Variants in TTC28 observed in about 807,000 individuals in gnomAD.
TTC28 encodes the protein tetratricopeptide repeat domain 28.
In TTC28, 61 loss-of-function variants were observed where a neutral mutation model predicts 198.0. The ratio of observed to expected loss-of-function variants is 0.31; its 90% CI spans 0.25 to 0.38. The LOEUF is 0.38. Ranked by LOEUF, TTC28 falls within the 10% of genes least tolerant of loss-of-function variation. The pLI is 1.00. For synonymous variants in TTC28, 1,171 were observed against 1,297.8 expected (o/e 0.90, Z 2.10); for missense variants, 2,678 against 3,164.0 (o/e 0.85, Z 3.69).
chr22:28,473,473 G>A (rs2048124370), intron 2 of TTC28, among the ~76,000 whole-genome samples: 1 of 152,124 alleles, frequency 6.6e-6, no homozygotes, highest in Non-Finnish European at 1.5e-5. Flanking sequence ...GCAATAACTG[G>A]AAGTTACCAC....
chr22:28,288,768 A>C lies in TTC28; in HGVS notation c.933+7430T>G, dbSNP rs539265838. On this transcript the variant is annotated intron_variant, in intron 5 of 22. Transcript: ENST00000397906. Reference sequence around the variant, plus strand: ...GCGGAGCTTGCAGTGAGCCGAGATCACGCTACTGCACTACAGCCTGGGCGA... The same window carrying C: ...GCGGAGCTTGCAGTGAGCCGAGATCCCGCTACTGCACTACAGCCTGGGCGA... 1.1e-4 allele frequency among the ~76,000 whole-genome samples: 17 copies of C among 150,712 alleles called. 1 individual carries two copies. The highest frequency in any genetic ancestry group is 3.9e-4 in the African/African-American group (16 of 41,172).
chr22:28,442,457 C>A (rs2047639936), intron 2 of TTC28, among the ~76,000 whole-genome samples: 1 of 152,206 alleles, frequency 6.6e-6, no homozygotes, highest in Non-Finnish European at 1.5e-5. Context: ...CGGCTCAGAG[C>A]CTTTTAACCC....
chr22:28,529,739 A>T (rs1236062827), intron 2 of TTC28, among the ~76,000 whole-genome samples: 1 of 152,170 alleles, frequency 6.6e-6, no homozygotes, highest in Non-Finnish European at 1.5e-5. Context: ...AACATTTGCC[A>T]TTCTGCAATA....
intron 5 of TTC28, among the ~76,000 whole-genome samples, chr22:28,202,812 T>TA (rs989276445): frequency 1.6e-4 from 24 of 152,118 alleles, no homozygotes; most frequent in Admixed American, 1.6e-3. Context: ...AGAGAAAGTA[T>TA]AAAAAATAAC....
intron 2 of TTC28, among the ~76,000 whole-genome samples, chr22:28,428,827 AG>A (rs2047391688): frequency 6.6e-6 from 1 of 151,604 alleles, no homozygotes; most frequent in African/African-American, 2.4e-5. Flanking sequence ...TCTTTAGTAG[AG>A]GCGGGGTTCC....
chr22:28,383,107 T>C (rs1352299863), intron 2 of TTC28, among the ~76,000 whole-genome samples: 2 of 152,228 alleles, frequency 1.3e-5, no homozygotes, highest in African/African-American at 2.4e-5. Flanking sequence ...TAAGAAGTAC[T>C]GTACACAAGA....
At chr22:28,255,856 T>C (rs1930872664) in intron 5 of TTC28, among the ~76,000 whole-genome samples, 1 of 152,156 alleles carries the variant, frequency 6.6e-6, no homozygotes, top group Admixed American at 6.5e-5. Context: ...AATATGCACC[T>C]TTGCTCTTCT....
At chr22:28,536,430 C>T (rs1249220465) in intron 2 of TTC28, among the ~76,000 whole-genome samples, 6 of 151,350 alleles carry the variant, frequency 4.0e-5, no homozygotes, top group African/African-American at 1.5e-4. Context: ...CGAGACCATC[C>T]TGGCTAACAC....
chr22:27,993,606 G>A, intron 17 of TTC28, 88 bp from the exon 18 acceptor site: 1 of 1,348,966 alleles, frequency 7.4e-7, no homozygotes, highest in Non-Finnish European at 9.9e-7. Context: ...GCCCCAGGGT[G>A]AAGCCAGGCT....
chr22:28,537,948 T>C (rs1284813994), intron 2 of TTC28, among the ~76,000 whole-genome samples: 4 of 151,640 alleles, frequency 2.6e-5, no homozygotes, highest in African/African-American at 4.8e-5. Flanking sequence ...CTGGGTAATA[T>C]AGCAAGACAC....
At chr22:28,323,720 G>T (rs1340379750) in intron 2 of TTC28, among the ~76,000 whole-genome samples, 1 of 152,122 alleles carries the variant, frequency 6.6e-6, no homozygotes, top group Non-Finnish European at 1.5e-5. Context: ...GAAAATAACA[G>T]AATTTTGCCA....
At position 28,604,855 on chromosome 22, in the gene TTC28, C is replaced by T. The variant is rs561330385; in HGVS notation, c.381+24697G>A. ...GTGTCCTGATACATTTTATATATCA[C>T]CCACAAAGCGCCTATCTACATTTTA... On this transcript the variant is annotated intron_variant, in intron 2 of 22. Coordinates refer to ENST00000397906, the MANE Select transcript of TTC28 (RefSeq NM_001145418.2). Among the ~76,000 whole-genome samples, 13 of 152,284 alleles carry T rather than the reference C, an allele frequency of 8.5e-5. No homozygotes were observed. In the South Asian group the frequency reaches 2.5e-3, roughly 29 times the overall value.
intron 12 of TTC28, among the ~76,000 whole-genome samples, chr22:28,078,535 C>T (rs1293744926): frequency 2.0e-5 from 3 of 151,886 alleles, no homozygotes; most frequent in Non-Finnish European, 2.9e-5. Flanking sequence ...AAAATAAGTG[C>T]TATTATTAGG....
chr22:28,565,907 G>T (rs1259304382), intron 2 of TTC28, among the ~76,000 whole-genome samples: 2 of 152,166 alleles, frequency 1.3e-5, no homozygotes, highest in Non-Finnish European at 2.9e-5. Context: ...AAACACAGGG[G>T]GAAAGTGGAA....
In TTC28 at chr22:28,461,236, A is replaced by G. The variant is rs561870989; in HGVS notation, c.382-154593T>C. 2.0e-3 allele frequency among the ~76,000 whole-genome samples: 303 copies of G among 152,338 alleles called. 1 individual carries two copies. The highest frequency in any genetic ancestry group is 5.8e-3 in the African/African-American group (242 of 41,576). On this transcript the variant is annotated intron_variant, in intron 2 of 22. Transcript: ENST00000397906. ...ATATTCCCAGTGTGTGCAATGGTAC[A>G]TAGTAATACTAAATACTTGTTGAAT...
Position 28,293,912 on chromosome 22 carries a change from T to A in TTC28, c.933+2286A>T, listed in dbSNP as rs1407618346. Among the ~76,000 whole-genome samples the A allele has an allele frequency of 2.6e-5, 4 of 152,144 alleles. No individual in the cohort carries two copies. In the East Asian group the frequency reaches 7.7e-4, roughly 29 times the overall value. On this transcript the variant is annotated intron_variant, in intron 5 of 22. Coordinates refer to ENST00000397906, the MANE Select transcript of TTC28 (RefSeq NM_001145418.2). The stretch of plus-strand genomic sequence containing the variant: ...GGAGGCCTCTGCAATAGTTGAGCTA[T>A]CTATGGCTGACAACCCAAATGGGCC...
intron 2 of TTC28, among the ~76,000 whole-genome samples, chr22:28,456,867 C>A (rs111631834): frequency 6.6e-6 from 1 of 152,218 alleles, no homozygotes; most frequent in Non-Finnish European, 1.5e-5. Context: ...TGCCACCGCA[C>A]CCGGCCCATA....
intron 12 of TTC28, among the ~76,000 whole-genome samples, chr22:28,075,346 C>T (rs888151029): frequency 2.6e-5 from 4 of 152,128 alleles, no homozygotes; most frequent in African/African-American, 9.7e-5. Flanking sequence ...CCTGCAACTG[C>T]GTCTCTTTAG....
At chr22:28,492,927 G>A (rs528940854) in intron 2 of TTC28, among the ~76,000 whole-genome samples, 1 of 151,820 alleles carries the variant, frequency 6.6e-6, no homozygotes, top group Admixed American at 6.6e-5. Flanking sequence ...AAGACCAGGG[G>A]AGTCACATCA....
Sources: allele counts gnomAD v4.1 joint callset (sites outside exome capture counted in the v4.1 genomes callset), GRCh38; gene constraint gnomAD v4.1.1; transcripts MANE v1.5; gene names NCBI Gene and HGNC (gene_info 2026-07-23, HGNC 2026-07-21).